Variants in CDH8 observed in about 807,000 individuals in gnomAD.
The protein encoded by CDH8 is cadherin-8.
A neutral mutation model predicts 68.1 loss-of-function variants in CDH8; 17 were observed. The observed-to-expected ratio is 0.25, with a 90% CI of 0.17 to 0.37. CDH8 has a LOEUF of 0.37. CDH8 is among the 10% of genes least tolerant of loss of function. CDH8 has a pLI of 1.00. For missense variants in CDH8, 763 were observed against 999.3 expected (o/e 0.76, Z 3.19); for synonymous variants, 372 against 365.1 (o/e 1.02, Z -0.21).
At chr16:61,813,473 C>T (rs898287628) in intron 7 of CDH8, among the ~76,000 whole-genome samples, 1 of 152,144 alleles carries the variant, frequency 6.6e-6, no homozygotes, top group Non-Finnish European at 1.5e-5. Context: ...CGGCCTGCCC[C>T]GCAAGTGTTT....
chr16:61,899,967 A>C (rs1423750332), intron 3 of CDH8, among the ~76,000 whole-genome samples: 1 of 152,106 alleles, frequency 6.6e-6, no homozygotes, highest in Non-Finnish European at 1.5e-5. Context: ...TTTAGCCTTG[A>C]AAACCATAAT....
intron 6 of CDH8, among the ~76,000 whole-genome samples, chr16:61,819,075 C>T (rs1254910161): frequency 2.0e-5 from 3 of 151,792 alleles, no homozygotes; most frequent in South Asian, 2.1e-4. Flanking sequence ...ATCACCTTTA[C>T]TGTAACAATT....
intron 2 of CDH8, among the ~76,000 whole-genome samples, chr16:61,972,860 C>G (rs1229082510): frequency 6.6e-6 from 1 of 152,010 alleles, no homozygotes; most frequent in Non-Finnish European, 1.5e-5. Flanking sequence ...ATAATGATCT[C>G]CACTCAGAGA....
intron 3 of CDH8, among the ~76,000 whole-genome samples, chr16:61,895,086 T>C (rs1040013934): frequency 1.3e-5 from 2 of 152,156 alleles, no homozygotes; most frequent in Admixed American, 1.3e-4. Flanking sequence ...AAAGTGCTCA[T>C]ATTCCTATAT....
At chr16:61,898,027 C>A (rs537505665) in intron 3 of CDH8, among the ~76,000 whole-genome samples, 1 of 151,992 alleles carries the variant, frequency 6.6e-6, no homozygotes, top group Non-Finnish European at 1.5e-5. Context: ...TTGGGCCAGG[C>A]GCGGTGGTTC....
chr16:61,819,884 G>A (rs1392064840), intron 6 of CDH8, among the ~76,000 whole-genome samples: 1 of 152,076 alleles, frequency 6.6e-6, no homozygotes, highest in African/African-American at 2.4e-5. Flanking sequence ...TGATCTACTT[G>A]ATGACAAAGG....
chr16:61,855,901 T>C (rs1963036332), intron 4 of CDH8, among the ~76,000 whole-genome samples: 1 of 152,144 alleles, frequency 6.6e-6, no homozygotes, highest in South Asian at 2.1e-4. Flanking sequence ...AGAAAAAGTT[T>C]AGAACAGACT....
intron 2 of CDH8, among the ~76,000 whole-genome samples, chr16:61,941,048 C>CTTT (rs2143536535): frequency 6.6e-6 from 1 of 152,340 alleles, no homozygotes; most frequent in South Asian, 2.1e-4. Context: ...AGAACTCAAT[C>CTTT]AAGTTGAACT....
chr16:61,871,815 CAAAAAAAAAAAAAAAAAAAA>C (rs144379377), intron 3 of CDH8, among the ~76,000 whole-genome samples: 3 of 43,346 alleles, frequency 6.9e-5, no homozygotes, highest in African/African-American at 8.6e-5. Context: ...GTTCTATATG[CAAAAAAAAAAAAAAAAAAAA>C]AAAAAAAAAA....
chr16:62,024,996 A>G (rs1394267203), intron 1 of CDH8, among the ~76,000 whole-genome samples: 5 of 152,224 alleles, frequency 3.3e-5, no homozygotes, highest in African/African-American at 1.2e-4. Context: ...AAGATAAAGA[A>G]ATACATAAAC....
intron 4 of CDH8, among the ~76,000 whole-genome samples, chr16:61,839,536 T>C (rs1356002428): frequency 1.3e-5 from 2 of 152,144 alleles, no homozygotes; most frequent in Non-Finnish European, 2.9e-5. Context: ...AGACAGATGA[T>C]AAATGAATTA....
chr16:62,015,476 C>T (rs2150607695), intron 2 of CDH8, among the ~76,000 whole-genome samples: 1 of 152,192 alleles, frequency 6.6e-6, no homozygotes, highest in Non-Finnish European at 1.5e-5. Flanking sequence ...ATCCCATACA[C>T]TCAGAAGTGA....
At chr16:61,914,355 G>T (rs1964204528) in intron 2 of CDH8, among the ~76,000 whole-genome samples, 1 of 152,190 alleles carries the variant, frequency 6.6e-6, no homozygotes, top group Admixed American at 6.5e-5. Context: ...GCTGCAGTTT[G>T]CAGTGATACT....
intron 3 of CDH8, among the ~76,000 whole-genome samples, chr16:61,868,929 T>C (rs1004690517): frequency 6.6e-6 from 1 of 152,046 alleles, no homozygotes; most frequent in African/African-American, 2.4e-5. Flanking sequence ...GGCTTTCAAA[T>C]TGGGAGGATG....
intron 2 of CDH8, among the ~76,000 whole-genome samples, chr16:61,951,635 T>C (rs960813199): frequency 1.9e-4 from 29 of 152,152 alleles, no homozygotes; most frequent in Non-Finnish European, 5.9e-5. Flanking sequence ...CTGGGATTCC[T>C]TTTTTTACAT....
intron 2 of CDH8, among the ~76,000 whole-genome samples, chr16:61,913,727 G>A (rs775642393): frequency 6.6e-5 from 10 of 151,846 alleles, no homozygotes; most frequent in African/African-American, 2.4e-4. Context: ...AACCAAAGAC[G>A]CCCTCTCACT....
intron 2 of CDH8, among the ~76,000 whole-genome samples, chr16:61,909,798 C>T (rs923036971): frequency 6.6e-6 from 1 of 152,070 alleles, no homozygotes; most frequent in African/African-American, 2.4e-5. Context: ...ATAGAATAAA[C>T]CTAGAAATAG....
At chr16:61,770,615 C>T (rs1960752513) in intron 8 of CDH8, among the ~76,000 whole-genome samples, 1 of 151,956 alleles carries the variant, frequency 6.6e-6, no homozygotes, top group African/African-American at 2.4e-5. Flanking sequence ...TGGCTTCATG[C>T]TGTTCCCTTT....
chr16:62,016,049 A>G (rs1901931800), intron 2 of CDH8, among the ~76,000 whole-genome samples: 2 of 152,058 alleles, frequency 1.3e-5, no homozygotes, highest in Admixed American at 6.5e-5. Context: ...TATTTCCTCT[A>G]TCAAAAATGC....
Sources: gnomAD v4.1 joint callset for allele counts (sites outside exome capture counted in the v4.1 genomes callset) on GRCh38, gnomAD v4.1.1 for gene constraint, MANE v1.5 for transcripts, NCBI Gene and HGNC (gene_info 2026-07-23, HGNC 2026-07-21) for gene names.